Variants in SPATA7 observed in about 807,000 individuals in gnomAD.
SPATA7 encodes spermatogenesis associated 7, also known as spermatogenesis-associated protein 7.
In SPATA7, 43 loss-of-function variants were observed where a neutral mutation model predicts 51.8. The observed-to-expected ratio is 0.83, with a 90% confidence interval of 0.65 to 1.07. The LOEUF (loss-of-function observed/expected upper bound fraction) is 1.07. Among genes scored for constraint, SPATA7 ranks in the 50% least tolerant of loss-of-function variants. The pLI is 0.00. For synonymous variants in SPATA7, 230 were observed against 252.8 expected (o/e 0.91, Z 0.86); for missense variants, 683 against 701.3 (o/e 0.97, Z 0.30).
exon 5 of SPATA7, chr14:88,470,185 A>G: frequency 1.3e-6 from 1 of 749,604 alleles, no homozygotes; most frequent in Non-Finnish European, 2.1e-6. Flanking sequence ...TGGATTATTC[A>G]GCAGAATAAG....
intron 3 of SPATA7, among the ~76,000 whole-genome samples, chr14:88,452,882 A>T (rs953497062): frequency 2.6e-5 from 4 of 152,158 alleles, no homozygotes; most frequent in Non-Finnish European, 5.9e-5. Flanking sequence ...ACCCTGTGTC[A>T]ATCACACCTA....
downstream of SPATA7, among the ~76,000 whole-genome samples, chr14:88,441,208 A>G (rs1040623409): frequency 2.6e-5 from 4 of 151,806 alleles, no homozygotes; most frequent in Admixed American, 2.6e-4. Context: ...GTGTGTGTAT[A>G]TATATACACA....
intron 4 of SPATA7, among the ~76,000 whole-genome samples, chr14:88,460,396 C>CT (rs201592732): frequency 0.23 from 34,414 of 152,020 alleles, 4,110 homozygotes; most frequent in East Asian, 0.3. Context: ...TTCTTGGAGG[C>CT]TTTGTTCATT....
chr14:88,424,250 A>G (rs1275087914), intron 5 of SPATA7, among the ~76,000 whole-genome samples: 2 of 152,212 alleles, frequency 1.3e-5, no homozygotes, highest in Non-Finnish European at 2.9e-5. Flanking sequence ...CATGATATTC[A>G]TAGCTAAAGG....
In SPATA7 at chr14:88,389,656, T is replaced by C. The variant is rs369710677; in HGVS notation, c.20-1725T>C. 7.9e-5 allele frequency among the ~76,000 whole-genome samples: 12 copies of C among 152,362 alleles called. No individual in the cohort carries two copies. In the South Asian group the frequency reaches 1.2e-3, roughly 16 times the overall value. On this transcript the variant is annotated intron_variant, in intron 1 of 11. Coordinates refer to ENST00000393545, the MANE Select transcript of SPATA7 (RefSeq NM_018418.5). ...CATGTTTGTTCTTATCACCATCTTA[T>C]GCTAAAGAGCAGCTGGATTGATTCC... is the stretch of plus-strand genomic sequence containing the variant.
At chr14:88,468,765 GAC>G in intron 4 of SPATA7, 1 of 865,980 alleles carries the variant, frequency 1.2e-6, no homozygotes, top group Non-Finnish European at 1.8e-6. Flanking sequence ...TCTCCAAGAA[GAC>G]ACAGCCTTTT....
chr14:88,436,501 C>T (rs2077091150), intron 10 of SPATA7, among the ~76,000 whole-genome samples: 1 of 152,084 alleles, frequency 6.6e-6, no homozygotes, highest in Non-Finnish European at 1.5e-5. Flanking sequence ...CTTTGCCAGA[C>T]CAGTGTCCTA....
chr14:88,423,473 T>G (rs1445329488), intron 5 of SPATA7, among the ~76,000 whole-genome samples: 1 of 151,216 alleles, frequency 6.6e-6, no homozygotes, highest in Non-Finnish European at 1.5e-5. Flanking sequence ...GGCAGATTAA[T>G]TGAGCCCAGG....
In SPATA7 at chr14:88,390,888, T is replaced by C. The variant is rs543548315; in HGVS notation, c.20-493T>C. Among the ~76,000 whole-genome samples, 7 of 152,296 alleles carry C rather than the reference T, an allele frequency of 4.6e-5. No homozygotes were observed. The South Asian group carries it at 1.5e-3, about 32-fold the overall frequency. On this transcript the variant is annotated intron_variant, in intron 1 of 11. Coordinates refer to ENST00000393545, the MANE Select transcript of SPATA7 (RefSeq NM_018418.5). ...GTTCAGATGGCATCACCTTGACTTG[T>C]ATTGTCCTAAATATTTTTTTCCTTC...
rs767269848 is a variant in SPATA7 at position 88,421,947 on chromosome 14, C to CA, written c.373-4268dup. 9.0e-3 allele frequency among the ~76,000 whole-genome samples: 693 copies of CA among 76,896 alleles called. 1 individual carries two copies. Among genetic ancestry groups the CA allele is most frequent in the African/African-American group, 0.015 (280 of 18,954 alleles). The allele number at this position is 76,896 out of a possible 152,430, so 50.4% of individuals were successfully genotyped here. On this transcript the variant is annotated intron_variant, in intron 5 of 11. Transcript: ENST00000393545. ...TGGGCGACAGAGCGAGACTCCATCT[C>CA]AAAAAAAAAAAAAAAAAGTAGAATC... is the stretch of plus-strand genomic sequence containing the variant.
intron 5 of SPATA7, among the ~76,000 whole-genome samples, chr14:88,422,785 A>G (rs2076682771): frequency 6.6e-6 from 1 of 151,912 alleles, no homozygotes; most frequent in South Asian, 2.1e-4. Flanking sequence ...CACTTTGCCT[A>G]CATTTTTGAT....
chr14:88,437,177 G>T (rs1019994824), intron 10 of SPATA7, among the ~76,000 whole-genome samples: 5 of 150,614 alleles, frequency 3.3e-5, no homozygotes, highest in African/African-American at 1.2e-4. Flanking sequence ...AAATATCTCT[G>T]TAAGAGGTTT....
intron 10 of SPATA7, 77 bp downstream of exon 10, chr14:88,433,289 A>C (rs2076989279): frequency 7.5e-6 from 8 of 1,060,682 alleles, no homozygotes; most frequent in Non-Finnish European, 1.1e-5. Flanking sequence ...TGATGTTAAA[A>C]TTTTAAAGTT....
chr14:88,394,535 A>G (rs2075829993), intron 3 of SPATA7, among the ~76,000 whole-genome samples: 1 of 152,152 alleles, frequency 6.6e-6, no homozygotes, highest in Non-Finnish European at 1.5e-5. Context: ...AATAGACCAC[A>G]ATTTGTTTAT....
intron 3 of SPATA7, among the ~76,000 whole-genome samples, chr14:88,445,898 T>C (rs2077208501): frequency 6.6e-6 from 1 of 152,226 alleles, no homozygotes; most frequent in Admixed American, 6.5e-5. Flanking sequence ...CAGTATTTTA[T>C]TGAGGATTTT....
At chr14:88,417,838 A>C (rs2076528150) in intron 5 of SPATA7, among the ~76,000 whole-genome samples, 1 of 152,188 alleles carries the variant, frequency 6.6e-6, no homozygotes, top group Non-Finnish European at 1.5e-5. Flanking sequence ...CTCATAAAAT[A>C]AACTGGGCAC....
At chr14:88,457,952 C>G (rs1099695), downstream of SPATA7, among the ~76,000 whole-genome samples, 2 of 151,974 alleles carry the variant, frequency 1.3e-5, no homozygotes, top group Non-Finnish European at 2.9e-5. Context: ...GTTGAATTTT[C>G]TCAAAGGCCT....
At chr14:88,453,046 C>G (rs1321646197) in intron 3 of SPATA7, among the ~76,000 whole-genome samples, 6 of 152,158 alleles carry the variant, frequency 3.9e-5, no homozygotes, top group African/African-American at 1.4e-4. Context: ...TAACATTTGT[C>G]CCTCCTACCC....
At chr14:88,433,921 A>C (rs187226403) in intron 10 of SPATA7, among the ~76,000 whole-genome samples, 1 of 152,330 alleles carries the variant, frequency 6.6e-6, no homozygotes, top group East Asian at 1.9e-4. Context: ...AAGGCATATC[A>C]AAAAGACCTA....
Sources: gnomAD v4.1 joint callset for allele counts (sites outside exome capture counted in the v4.1 genomes callset) on GRCh38, gnomAD v4.1.1 for gene constraint, MANE v1.5 for transcripts, NCBI Gene and HGNC (gene_info 2026-07-23, HGNC 2026-07-21) for gene names.